ZMYM1: variants seen among roughly 807,000 people sequenced by gnomAD.
ZMYM1 encodes the protein zinc finger MYM-type containing 1, also known as zinc finger MYM-type protein 1.
In ZMYM1, 39 loss-of-function variants were observed where a neutral mutation model predicts 60.0. The observed-to-expected ratio is 0.65, with a 90% CI of 0.50 to 0.85. The LOEUF is 0.85. Among genes scored for constraint, ZMYM1 ranks in the 40% least tolerant of loss-of-function variants. The probability of loss-of-function intolerance (pLI) is 0.00; values close to 1 mark genes in which losing one functional copy is unlikely to be tolerated. For synonymous variants in ZMYM1, 413 were observed against 454.0 expected, an observed-to-expected ratio of 0.91 and a Z score of 1.15; for missense variants, 1,171 against 1,309.5, an observed-to-expected ratio of 0.89 and a Z score of 1.63.
chr1:35,102,979 G>C (rs1278046075), intron 4 of ZMYM1, among the ~76,000 whole-genome samples: 1 of 152,090 alleles, frequency 6.6e-6, no homozygotes, highest in African/African-American at 2.4e-5. Context: ...ACTTTAAAAA[G>C]AATTTTTTTT....
chr1:35,101,334 T>G (rs1643643456), intron 4 of ZMYM1, among the ~76,000 whole-genome samples: 1 of 150,802 alleles, frequency 6.6e-6, no homozygotes, highest in Admixed American at 6.7e-5. Context: ...GTCTCCCAAC[T>G]CCTGACCTCA....
At position 35,114,488 on chromosome 1, in the gene ZMYM1, T is replaced by G. The variant is rs1210572899; in HGVS notation, c.2658T>G (p.Ile886Met). The change falls in exon 10 of 10, where the codon ATT becomes ATG. Residue 886 changes from isoleucine (I) to methionine (M), a missense_variant. Ile to Met is a conservative substitution (Grantham distance 10, BLOSUM62 1). Coordinates refer to ENST00000359858, the MANE Select transcript of ZMYM1 (RefSeq NM_024772.5). ...AGCTTCAAAATAAAACCATAGACAT[T>G]TTTTCTTTGTCTTCAAAAATAGAAG... is the stretch of plus-strand genomic sequence containing the variant. ...SKELQNKTID[I>M]FSLSSKIEAI... The G allele has an allele frequency of 6.2e-7, 1 of 1,612,118 alleles. No individual in the cohort carries two copies. The highest frequency in any genetic ancestry group is 8.5e-7 in the Non-Finnish European group (1 of 1,178,932).
chr1:35,092,599 C>A (rs981794909), intron 1 of ZMYM1, among the ~76,000 whole-genome samples: 2 of 148,718 alleles, frequency 1.3e-5, no homozygotes, highest in African/African-American at 5.0e-5. Context: ...TTCTTTCCTA[C>A]CTTCCTTTCT....
At chr1:35,111,304 C>T (rs1330189805) in intron 7 of ZMYM1, among the ~76,000 whole-genome samples, 2 of 152,104 alleles carry the variant, frequency 1.3e-5, no homozygotes, top group African/African-American at 2.4e-5. Context: ...GTGACTAATG[C>T]CTCTGGGATT....
chr1:35,060,257 T>C (rs1641848346), intron 1 of ZMYM1, among the ~76,000 whole-genome samples: 1 of 151,682 alleles, frequency 6.6e-6, no homozygotes, highest in Non-Finnish European at 1.5e-5. Context: ...GCAACCTCTG[T>C]CTCCCCAGTT....
chr1:35,114,122 C>T lies in ZMYM1; in HGVS notation c.2292C>T (p.Leu764=). 4 of 1,612,038 alleles carry T rather than the reference C, an allele frequency of 2.5e-6. No homozygotes were observed. The highest frequency in any genetic ancestry group is 3.4e-6 in the Non-Finnish European group (4 of 1,179,458). The change falls in exon 10 of 10, where the codon CTC becomes CTT. Residue 764 remains leucine, a synonymous_variant. Transcript: ENST00000359858. ...IIRFCKEVKE[L]RSALKTLSSL... ...GGTTTTGTAAAGAAGTAAAAGAACT[C>T]CGAAGTGCTCTAAAAACTCTCAGTT...
At chr1:35,116,069 A>AT (rs113648122), downstream of ZMYM1, among the ~76,000 whole-genome samples, 253 of 147,050 alleles carry the variant, frequency 1.7e-3, 1 homozygote, top group African/African-American at 3.3e-3. Context: ...CATCACTACA[A>AT]TTTTTTTTTT....
At chr1:35,060,153 T>TTAG (rs2148472607) in intron 1 of ZMYM1, among the ~76,000 whole-genome samples, 1 of 133,752 alleles carries the variant, frequency 7.5e-6, no homozygotes, top group Non-Finnish European at 1.5e-5. Flanking sequence ...GTTATTATTA[T>TTAG]TATTATTATT....
In ZMYM1 at chr1:35,112,070, A is replaced by G. The variant is rs1224757460; in HGVS notation, c.1103-17A>G. On this transcript the variant is annotated splice_polypyrimidine_tract_variant and intron_variant, in intron 8 of 9. Transcript: ENST00000359858. Reference sequence around the variant, plus strand: ...TTATAGTATATAAGATCTTGAATTTATGCTCTATTTTAACAGATACAGTTT... The same window carrying G: ...TTATAGTATATAAGATCTTGAATTTGTGCTCTATTTTAACAGATACAGTTT... 4 of 1,610,636 alleles carry G rather than the reference A, an allele frequency of 2.5e-6. No individual in the cohort carries two copies. Among genetic ancestry groups the G allele is most frequent in the East Asian group, 4.5e-5 (2 of 44,744 alleles).
chr1:35,106,480 G>A (rs1199922123), intron 6 of ZMYM1, among the ~76,000 whole-genome samples: 1 of 151,980 alleles, frequency 6.6e-6, no homozygotes, highest in Non-Finnish European at 1.5e-5. Context: ...ATGGTGGCAG[G>A]CGCCTATAAT....
chr1:35,111,959 A>G (rs1644103339), intron 8 of ZMYM1, 47 bp downstream of exon 8: 4 of 1,560,260 alleles, frequency 2.6e-6, no homozygotes, highest in African/African-American at 1.4e-5. Flanking sequence ...GTTTTGTCAT[A>G]CTTGATAAAT....
intron 4 of ZMYM1, among the ~76,000 whole-genome samples, chr1:35,099,959 T>C (rs527957542): frequency 1.7e-4 from 26 of 152,268 alleles, no homozygotes; most frequent in African/African-American, 6.0e-4. Flanking sequence ...GGTGCAATCT[T>C]GGCTTACTGC....
chr1:35,105,920 C>A (rs1313010244), intron 6 of ZMYM1, among the ~76,000 whole-genome samples: 1 of 152,078 alleles, frequency 6.6e-6, no homozygotes, highest in South Asian at 2.1e-4. Flanking sequence ...TTTAATTCCA[C>A]GTGTTTAACT....
chr1:35,105,290 A>G (rs1179366300), intron 6 of ZMYM1, among the ~76,000 whole-genome samples: 1 of 150,194 alleles, frequency 6.7e-6, no homozygotes, highest in Non-Finnish European at 1.5e-5. Flanking sequence ...ACCCGCCACC[A>G]CCACGCCTGG....
At position 35,110,458 on chromosome 1, in the gene ZMYM1, T is replaced by C. The variant is rs1644049839; in HGVS notation, c.961+11T>C. On this transcript the variant is annotated intron_variant, in intron 7 of 9. Transcript: ENST00000359858. ...TGGAATCTTCTTCAGGTAATGTTTG[T>C]TTAGCAATTGTAGGGGTTTAGTAAT... 1.4e-6 allele frequency: 2 copies of C among 1,466,532 alleles called. No individual in the cohort carries two copies. The highest frequency in any genetic ancestry group is 2.5e-5 in the Admixed American group (1 of 39,984). The allele number at this position is 1,466,532 out of a possible 1,614,324, so 90.8% of individuals were successfully genotyped here. A position where few individuals can be genotyped will look rare whatever the true frequency, so the allele number is the denominator to read the frequency against.
At chr1:35,095,384 C>T in intron 2 of ZMYM1, among the ~76,000 whole-genome samples, 1 of 150,538 alleles carries the variant, frequency 6.6e-6, no homozygotes, top group Admixed American at 6.7e-5. Flanking sequence ...GTCTCAGCTA[C>T]TTGGGAGGCT....
intron 1 of ZMYM1, among the ~76,000 whole-genome samples, chr1:35,082,687 T>C (rs1005489186): frequency 3.3e-5 from 5 of 150,818 alleles, no homozygotes; most frequent in African/African-American, 1.2e-4. Flanking sequence ...GCTTAAAGAA[T>C]TTCCTTTAGT....
rs769061535 is a variant in ZMYM1 at position 35,111,424 on chromosome 1, T to C, written c.962-348T>C. ...TTATGAATCCTGGAAGAGTTTGAAA[T>C]AGATGCCCATTAGGAGATTCAATCA... On this transcript the variant is annotated intron_variant, in intron 7 of 9. Coordinates refer to ENST00000359858, the MANE Select transcript of ZMYM1 (RefSeq NM_024772.5). Among the ~76,000 whole-genome samples the C allele has an allele frequency of 2.0e-5, 3 of 152,212 alleles. No individual in the cohort carries two copies. The South Asian group carries it at 6.2e-4, about 32-fold the overall frequency.
At chr1:35,117,160 G>T, downstream of ZMYM1, among the ~76,000 whole-genome samples, 1 of 147,580 alleles carries the variant, frequency 6.8e-6, no homozygotes. Flanking sequence ...CTATTTCTCT[G>T]GCACTTTTCT....
Sources: allele counts gnomAD v4.1 joint callset (sites outside exome capture counted in the v4.1 genomes callset), GRCh38; gene constraint gnomAD v4.1.1; transcripts MANE v1.5; gene names NCBI Gene and HGNC (gene_info 2026-07-23, HGNC 2026-07-21).